Variants in L2HGDH observed in about 807,000 individuals in gnomAD.
The protein encoded by L2HGDH is L-2-hydroxyglutarate dehydrogenase.
Under a neutral mutation model 51.5 loss-of-function variants are expected in L2HGDH, and 34 were observed. The observed-to-expected ratio is 0.66, with a 90% CI of 0.50 to 0.88. The LOEUF (loss-of-function observed/expected upper bound fraction) is 0.88. Ranked by LOEUF, L2HGDH falls within the 40% of genes least tolerant of loss-of-function variation. The probability of loss-of-function intolerance (pLI) is 0.00; values close to 1 mark genes in which losing one functional copy is unlikely to be tolerated. For missense variants in L2HGDH, 558 were observed against 571.9 expected, an observed-to-expected ratio of 0.98 and a Z score of 0.25; for synonymous variants, 198 against 197.9, an observed-to-expected ratio of 1.00 and a Z score of -0.01.
At position 50,243,314 on chromosome 14, in the gene L2HGDH, T is replaced by C. The variant is rs772857032; in HGVS notation, c.*3744A>G. ...AATGCTCCACTTTTTACCCAAAATA[T>C]AAATGACTCAACCTCATTTTGTATT... On this transcript the variant is annotated 3_prime_UTR_variant, in exon 10 of 10. Coordinates refer to ENST00000267436, the MANE Select transcript of L2HGDH (RefSeq NM_024884.3). 6.1e-6 allele frequency: 6 copies of C among 985,076 alleles called. No homozygotes were observed. Among genetic ancestry groups the C allele is most frequent in the Non-Finnish European group, 7.2e-6 (6 of 829,666 alleles). The allele number at this position is 985,076 out of a possible 1,614,324, so 61.0% of individuals were successfully genotyped here. A position where few individuals can be genotyped will look rare whatever the true frequency, so the allele number is the denominator to read the frequency against.
In L2HGDH at chr14:50,245,268, A is replaced by T. The variant is rs1887945093; in HGVS notation, c.*1790T>A. ...TAGTGTGACTAAAGATCAGAGATATAATAGATAAATAACTTTTTTAAATTG... is the reference window on the plus strand; with the variant it reads ...TAGTGTGACTAAAGATCAGAGATATTATAGATAAATAACTTTTTTAAATTG... On this transcript the variant is annotated 3_prime_UTR_variant, in exon 10 of 10. Coordinates refer to ENST00000267436, the MANE Select transcript of L2HGDH (RefSeq NM_024884.3). The T allele has an allele frequency of 1.0e-6, 1 of 985,002 alleles. No homozygotes were observed. The highest frequency in any genetic ancestry group is 1.2e-6 in the Non-Finnish European group (1 of 829,526). 61.0% of individuals were successfully genotyped at this position (985,002 alleles called of 1,614,324 possible). A position where few individuals can be genotyped will look rare whatever the true frequency, so the allele number is the denominator to read the frequency against.
intron 9 of L2HGDH, among the ~76,000 whole-genome samples, chr14:50,251,361 GC>G (rs1888339095): frequency 6.6e-6 from 1 of 152,000 alleles, no homozygotes; most frequent in Non-Finnish European, 1.5e-5. Context: ...AATGAAGCAT[GC>G]CCACAAAATC....
intron 3 of L2HGDH, among the ~76,000 whole-genome samples, chr14:50,298,703 ACAAG>A (rs2030227549): frequency 6.6e-6 from 1 of 152,190 alleles, no homozygotes; most frequent in African/African-American, 2.4e-5. Context: ...AAATAAACAA[ACAAG>A]CAAACAAAAC....
intron 4 of L2HGDH, among the ~76,000 whole-genome samples, chr14:50,286,888 A>C (rs1204847196): frequency 6.6e-6 from 1 of 152,158 alleles, no homozygotes; most frequent in African/African-American, 2.4e-5. Context: ...AATACTTATC[A>C]CTATATCTTC....
At chr14:50,299,546 C>T (rs2030281625) in intron 3 of L2HGDH, among the ~76,000 whole-genome samples, 1 of 152,156 alleles carries the variant, frequency 6.6e-6, no homozygotes, top group Non-Finnish European at 1.5e-5. Flanking sequence ...GCCAATATTC[C>T]TGATGAACAC....
At chr14:50,280,165 C>CT (rs1258447852) in intron 5 of L2HGDH, among the ~76,000 whole-genome samples, 365 of 141,052 alleles carry the variant, frequency 2.6e-3, no homozygotes, top group South Asian at 4.6e-3. Context: ...TGGGTCACTG[C>CT]TTTTTTTTTT....
intron 9 of L2HGDH, among the ~76,000 whole-genome samples, chr14:50,250,069 T>G (rs1407790434): frequency 6.6e-6 from 1 of 151,908 alleles, no homozygotes; most frequent in African/African-American, 2.4e-5. Context: ...GCCCAGCTGA[T>G]TTTTGTATTT....
intron 2 of L2HGDH, among the ~76,000 whole-genome samples, chr14:50,302,530 G>A (rs937375575): frequency 1.4e-4 from 21 of 152,154 alleles, no homozygotes; most frequent in African/African-American, 5.1e-4. Flanking sequence ...AGAGAGAAGA[G>A]CCGATGGATA....
chr14:50,284,348 C>T (rs1890445620), intron 4 of L2HGDH, among the ~76,000 whole-genome samples: 1 of 152,240 alleles, frequency 6.6e-6, no homozygotes, highest in Non-Finnish European at 1.5e-5. Flanking sequence ...GTTCTAGCTA[C>T]TCACAATGTT....
intron 9 of L2HGDH, among the ~76,000 whole-genome samples, chr14:50,258,225 A>AT (rs886803986): frequency 3.3e-5 from 5 of 151,384 alleles, no homozygotes; most frequent in Non-Finnish European, 2.9e-5. Context: ...GGGTTATTTT[A>AT]TTTTTTTTAG....
chr14:50,294,323 A>G, intron 3 of L2HGDH, 77 bp from the exon 4 acceptor site: 1 of 1,449,988 alleles, frequency 6.9e-7, no homozygotes, highest in Non-Finnish European at 9.5e-7. Context: ...TCAATGGAAA[A>G]TCATCAACTA....
In L2HGDH at chr14:50,302,144, C is replaced by T. The variant is rs1456741618; in HGVS notation, c.281G>A (p.Ser94Asn). ...ATAAATTCCACTATGTATGACACCA[C>T]TGTTATGTCCAGTCTGGTGAACAGC... ...DLAVHQTGHN[S>N]GVIHSGIYYK... Residue 94 changes from serine (S) to asparagine (N), a missense_variant, in exon 3 of 10, where the codon AGT becomes AAT. Around this residue, in one of 3 missense-constraint regions of L2HGDH, gnomAD observed 194 missense variants for 187.2 expected, o/e 1.04. Coordinates refer to ENST00000267436, the MANE Select transcript of L2HGDH (RefSeq NM_024884.3). 1 of 1,614,102 alleles carries T rather than the reference C, an allele frequency of 6.2e-7. No individual in the cohort carries two copies. Among genetic ancestry groups the T allele is most frequent in the Non-Finnish European group, 8.5e-7 (1 of 1,179,988 alleles).
At chr14:50,250,872 T>C (rs552095048) in intron 9 of L2HGDH, among the ~76,000 whole-genome samples, 241 of 152,328 alleles carry the variant, frequency 1.6e-3, no homozygotes, top group Middle Eastern at 3.4e-3. Flanking sequence ...TCCCTTTGAA[T>C]ACCTGGAAAG....
intron 3 of L2HGDH, among the ~76,000 whole-genome samples, chr14:50,298,206 T>C (rs2139203190): frequency 6.7e-6 from 1 of 149,980 alleles, no homozygotes; most frequent in East Asian, 2.0e-4. Flanking sequence ...ATGGCACCAT[T>C]GCACTCCAGG....
rs1887859212 is a variant in L2HGDH, at chr14:50,242,966, A to G, written c.*4092T>C. 5.1e-6 allele frequency: 5 copies of G among 985,330 alleles called. No homozygotes were observed. The highest frequency in any genetic ancestry group is 6.0e-6 in the Non-Finnish European group (5 of 829,936). The allele number at this position is 985,330 out of a possible 1,614,324, so 61.0% of individuals were successfully genotyped here. A position where few individuals can be genotyped will look rare whatever the true frequency, so the allele number is the denominator to read the frequency against. On this transcript the variant is annotated 3_prime_UTR_variant, in exon 10 of 10. Transcript: ENST00000267436. ...AGCCATCAGGGTTGGATTGCCTCCAAAAGTAGGCCCTACAAACTCCCGTAG... is the reference window on the plus strand; with the variant it reads ...AGCCATCAGGGTTGGATTGCCTCCAGAAGTAGGCCCTACAAACTCCCGTAG...
intron 9 of L2HGDH, among the ~76,000 whole-genome samples, chr14:50,261,076 C>T (rs1888992409): frequency 6.6e-6 from 1 of 151,832 alleles, no homozygotes; most frequent in African/African-American, 2.4e-5. Context: ...GAGATGGCAC[C>T]ACTGCACTAC....
intron 4 of L2HGDH, among the ~76,000 whole-genome samples, 192 bp from the exon 5 acceptor site, chr14:50,284,225 G>T (rs949594127): frequency 1.3e-5 from 2 of 152,082 alleles, no homozygotes; most frequent in Non-Finnish European, 2.9e-5. Context: ...ATTCATATCT[G>T]ATTCTGAGTT....
At chr14:50,271,054 GCA>G in intron 6 of L2HGDH, among the ~76,000 whole-genome samples, 1 of 152,120 alleles carries the variant, frequency 6.6e-6, no homozygotes, top group Non-Finnish European at 1.5e-5. Context: ...GTGCGATGGC[GCA>G]GTCCTGGCTC....
chr14:50,247,234 C>CTCT lies in L2HGDH; in HGVS notation c.1213_1215dup (p.Arg405dup). 1 of 1,613,778 alleles carries CTCT rather than the reference C, an allele frequency of 6.2e-7. No homozygotes were observed. On this transcript the variant is annotated inframe_insertion, in exon 10 of 10. Coordinates refer to ENST00000267436, the MANE Select transcript of L2HGDH (RefSeq NM_024884.3). ...TTTCCATCTCTATCCAGGGCCTGGG[C>CTCT]TCTTACTCCAGCTGGGCCCCTGCAA... is the stretch of plus-strand genomic sequence containing the variant.
Sources: allele counts gnomAD v4.1 joint callset (sites outside exome capture counted in the v4.1 genomes callset), GRCh38; gene constraint gnomAD v4.1.1; regional missense constraint gnomAD v4.1.1; transcripts MANE v1.5; gene names NCBI Gene and HGNC (gene_info 2026-07-23, HGNC 2026-07-21).